VWA5B1: variants seen among roughly 807,000 people sequenced by gnomAD.
VWA5B1 encodes the protein von Willebrand factor A domain-containing protein 5B1.
Under a neutral mutation model 118.2 loss-of-function variants are expected in VWA5B1, and 115 were observed. The observed-to-expected ratio is 0.97, with a 90% CI of 0.84 to 1.14. The LOEUF (loss-of-function observed/expected upper bound fraction) is 1.14, where lower values mean the gene tolerates loss of function less well. VWA5B1 is among the 50% of genes most tolerant of loss of function. VWA5B1 has a pLI of 0.00. For synonymous variants in VWA5B1, 682 were observed against 658.4 expected (o/e 1.04, Z -0.55); for missense variants, 1,596 against 1,603.8 (o/e 1.00, Z 0.08).
At chr1:20,302,388 A>G (rs1475213873) in intron 1 of VWA5B1, among the ~76,000 whole-genome samples, 1 of 152,162 alleles carries the variant, frequency 6.6e-6, no homozygotes, top group Admixed American at 6.6e-5. Context: ...ATTTCATTCT[A>G]TTTATTTGGC....
chr1:20,322,092 A>G lies in VWA5B1; in HGVS notation c.967-1264A>G, dbSNP rs554973116. On this transcript the variant is annotated intron_variant, in intron 7 of 21. Coordinates refer to ENST00000289815, the MANE Select transcript of VWA5B1 (RefSeq NM_001039500.3). The stretch of plus-strand genomic sequence containing the variant: ...TCCTGAACACGGGCAGTAGCAGTGG[A>G]GTCAGAGAGATGTGGACGCGTTCTG... Among the ~76,000 whole-genome samples the G allele has an allele frequency of 2.3e-4, 35 of 152,328 alleles. No individual in the cohort carries two copies. In the South Asian group the frequency reaches 4.8e-3, roughly 21 times the overall value.
Position 20,336,424 on chromosome 1 carries a change from C to T in VWA5B1, c.1880C>T (p.Pro627Leu). The stretch of plus-strand genomic sequence containing the variant: ...GACTGTGCCAAGAACTCGGGGGCAC[C>T]CTTCATCCTAGGGCAGGCCAAAAAT... ...GGDCAKNSGA[P>L]FILGQAKNAR... Residue 627 changes from proline (P) to leucine (L), a missense_variant, in exon 13 of 22, where the codon CCC becomes CTC. Coordinates refer to ENST00000289815, the MANE Select transcript of VWA5B1 (RefSeq NM_001039500.3). 4 of 1,518,370 alleles carry T rather than the reference C, an allele frequency of 2.6e-6. No homozygotes were observed. Among genetic ancestry groups the T allele is most frequent in the Non-Finnish European group, 2.7e-6 (3 of 1,129,530 alleles). 94.1% of individuals were successfully genotyped at this position (1,518,370 alleles called of 1,614,324 possible).
intron 18 of VWA5B1, among the ~76,000 whole-genome samples, chr1:20,348,763 C>T (rs1006560649): frequency 7.2e-5 from 11 of 152,200 alleles, no homozygotes; most frequent in African/African-American, 2.4e-4. Flanking sequence ...TGGGTCCCAC[C>T]ATCTGTTTCT....
At chr1:20,303,080 C>T (rs1406804735) in intron 1 of VWA5B1, 1 of 152,220 alleles carries the variant, frequency 6.6e-6, no homozygotes, top group Non-Finnish European at 1.5e-5. Flanking sequence ...GACTTGGCCC[C>T]ACTTTGATAA....
chr1:20,334,124 G>T (rs1200427257), intron 12 of VWA5B1, among the ~76,000 whole-genome samples: 1 of 152,226 alleles, frequency 6.6e-6, no homozygotes, highest in Non-Finnish European at 1.5e-5. Flanking sequence ...TATGTTAAAT[G>T]TGTGTCTCAT....
In VWA5B1 at chr1:20,317,580, T is replaced by A. The variant is rs1215447477; in HGVS notation, c.614T>A (p.Leu205Ter). 16 of 1,551,812 alleles carry A rather than the reference T, an allele frequency of 1.0e-5. No individual in the cohort carries two copies. The highest frequency in any genetic ancestry group is 1.4e-5 in the Non-Finnish European group (16 of 1,147,014). ...GAWAPGSWNK[L>*]CLATLLNTEV... ...TGGGCCCCGGGCTCCTGGAATAAGT[T>A]GTGCCTGGCGACTCTCCTGAACACC... Residue 205 changes from leucine to a stop codon, truncating the protein, a stop_gained, in exon 5 of 22, where the codon TTG becomes TAG. Coordinates refer to ENST00000289815, the MANE Select transcript of VWA5B1 (RefSeq NM_001039500.3). LOFTEE classifies it high-confidence loss of function.
Position 20,337,663 on chromosome 1 carries a change from C to A in VWA5B1, c.1960C>A (p.Arg654=), listed in dbSNP as rs199572586. 3.0e-3 allele frequency: 4,692 copies of A among 1,551,326 alleles called. 46 individuals carry two copies. In the Middle Eastern group the frequency reaches 0.05, roughly 17 times the overall value. The stretch of plus-strand genomic sequence containing the variant: ...CTGTCCAGATCTGAACCTCTCTCAG[C>A]GACGGAGGGCATACAGCACCAACCA... ...TTKHDLNLSQ[R]RRAYSTNQIT... Residue 654 remains arginine (R), a synonymous_variant, in exon 14 of 22, where the codon CGA becomes AGA. Coordinates refer to ENST00000289815, the MANE Select transcript of VWA5B1 (RefSeq NM_001039500.3).
intron 1 of VWA5B1, among the ~76,000 whole-genome samples, chr1:20,308,666 C>T (rs142748019): frequency 6.6e-6 from 1 of 152,308 alleles, no homozygotes; most frequent in African/African-American, 2.4e-5. Flanking sequence ...TCCCTCCCGG[C>T]TCTTTATCTG....
At chr1:20,335,741 G>A (rs2089696296) in intron 12 of VWA5B1, among the ~76,000 whole-genome samples, 1 of 152,208 alleles carries the variant, frequency 6.6e-6, no homozygotes, top group African/African-American at 2.4e-5. Context: ...AGTGGAAGTA[G>A]ATCATCATAA....
At chr1:20,302,001 C>T (rs116616764) in intron 1 of VWA5B1, among the ~76,000 whole-genome samples, 64 of 152,250 alleles carry the variant, frequency 4.2e-4, no homozygotes, top group Non-Finnish European at 8.2e-4. Context: ...ACACGCTTAG[C>T]CCAGATAGAT....
chr1:20,310,300 C>T (rs1292119775), intron 1 of VWA5B1, among the ~76,000 whole-genome samples: 1 of 152,180 alleles, frequency 6.6e-6, no homozygotes, highest in Non-Finnish European at 1.5e-5. Flanking sequence ...CTAGCCCTGA[C>T]TGTGCGCCAA....
At chr1:20,332,215 C>G (rs2089574564) in intron 11 of VWA5B1, among the ~76,000 whole-genome samples, 1 of 152,120 alleles carries the variant, frequency 6.6e-6, no homozygotes, top group African/African-American at 2.4e-5. Flanking sequence ...TGCAGTGGCT[C>G]ACGCCTGTAA....
At chr1:20,296,529 T>A (rs1357687428) in intron 1 of VWA5B1, among the ~76,000 whole-genome samples, 4 of 152,258 alleles carry the variant, frequency 2.6e-5, no homozygotes, top group Admixed American at 2.0e-4. Context: ...TAAGAAACTT[T>A]AATCATTATG....
At chr1:20,323,720 T>C (rs1391680277) in intron 8 of VWA5B1, among the ~76,000 whole-genome samples, 188 bp downstream of exon 8, 4 of 152,346 alleles carry the variant, frequency 2.6e-5, no homozygotes, top group East Asian at 1.9e-4. Flanking sequence ...GAAGCTGAGC[T>C]GGCATCCATT....
chr1:20,349,731 C>CT (rs35309990), intron 18 of VWA5B1, among the ~76,000 whole-genome samples: 23,847 of 111,754 alleles, frequency 0.21, 2,896 homozygotes, highest in African/African-American at 0.3. Context: ...ACATTCCTGA[C>CT]TTTTTTTTTT....
chr1:20,297,140 C>A (rs2088419862), intron 1 of VWA5B1, among the ~76,000 whole-genome samples: 1 of 152,184 alleles, frequency 6.6e-6, no homozygotes, highest in South Asian at 2.1e-4. Context: ...TCACCTTCTT[C>A]CACCTCTTAC....
chr1:20,346,131 G>C (rs2090003354), intron 17 of VWA5B1, among the ~76,000 whole-genome samples: 1 of 152,226 alleles, frequency 6.6e-6, no homozygotes, highest in Non-Finnish European at 1.5e-5. Context: ...CATTTTAATA[G>C]CATATTCCTC....
chr1:20,305,851 G>T (rs1000560530), intron 1 of VWA5B1, among the ~76,000 whole-genome samples: 1 of 152,108 alleles, frequency 6.6e-6, no homozygotes, highest in Admixed American at 6.5e-5. Flanking sequence ...CTGTGGAGCC[G>T]CCCCTGACCT....
Position 20,353,852 on chromosome 1 carries a change from C to T in VWA5B1, c.3237C>T (p.Pro1079=). 1.3e-6 allele frequency: 2 copies of T among 1,538,104 alleles called. No homozygotes were observed. The highest frequency in any genetic ancestry group is 1.2e-5 in the South Asian group (1 of 80,984). Residue 1079 remains proline, a synonymous_variant, in exon 22 of 22, where the codon CCC becomes CCT. Coordinates refer to ENST00000289815, the MANE Select transcript of VWA5B1 (RefSeq NM_001039500.3). ...IPMEKLKWTS[P]FTCHRVSLTT... is the part of the protein sequence containing the mutation. ...TGGAGAAGCTCAAGTGGACGTCCCC[C>T]TTCACCTGCCATCGAGTGTCCCTCA...
Sources: gnomAD v4.1 joint callset for allele counts (sites outside exome capture counted in the v4.1 genomes callset) on GRCh38, gnomAD v4.1.1 for gene constraint, MANE v1.5 for transcripts, NCBI Gene and HGNC (gene_info 2026-07-23, HGNC 2026-07-21) for gene names.